Variants in TSPEAR observed in about 807,000 individuals in gnomAD.
The protein encoded by TSPEAR is thrombospondin-type laminin G domain and EAR repeat-containing protein.
A neutral mutation model predicts 71.6 loss-of-function variants in TSPEAR; 69 were observed. The ratio of observed to expected loss-of-function variants is 0.96; its 90% CI spans 0.79 to 1.18. The LOEUF (loss-of-function observed/expected upper bound fraction) is 1.18. Ranked by LOEUF, TSPEAR falls within the 50% of genes most tolerant of loss-of-function variation. The pLI, the probability that TSPEAR is intolerant of heterozygous loss-of-function variation, is 0.00. For missense variants in TSPEAR, 971 were observed against 894.9 expected (o/e 1.09, Z -1.09); for synonymous variants, 402 against 387.2 (o/e 1.04, Z -0.45).
intron 1 of TSPEAR, among the ~76,000 whole-genome samples, chr21:44,610,575 G>A (rs1232760276): frequency 6.6e-6 from 1 of 152,238 alleles, no homozygotes; most frequent in Non-Finnish European, 1.5e-5. Flanking sequence ...GAGAACCTCT[G>A]CTACGGCAGT....
intron 1 of TSPEAR, among the ~76,000 whole-genome samples, chr21:44,689,606 T>A (rs1316911930): frequency 6.7e-6 from 1 of 149,128 alleles, no homozygotes; most frequent in African/African-American, 2.5e-5. Context: ...AGAACAATGA[T>A]CCCTAAAATG....
At chr21:44,574,731 C>G (rs201441480) in intron 1 of TSPEAR, 1 of 1,608,360 alleles carries the variant, frequency 6.2e-7, no homozygotes, top group Non-Finnish European at 8.5e-7. Context: ...CTGCTGCAAG[C>G]CTGTGAGCTG....
Position 44,711,144 on chromosome 21 carries a change from T to C in TSPEAR, c.82+289A>G, listed in dbSNP as rs1988197993. Among the ~76,000 whole-genome samples the C allele has an allele frequency of 6.6e-6, 1 of 152,172 alleles. No individual in the cohort carries two copies. Among genetic ancestry groups the C allele is most frequent in the Non-Finnish European group, 1.5e-5 (1 of 68,022 alleles). ...CCCGGGAGGCCCAGCAGGTAAGCAC[T>C]TGTGGAGGCCCCGGTGGCTGCTGGT... On this transcript the variant is annotated intron_variant, in intron 1 of 11. Transcript: ENST00000323084. This position sits in a 1 kb window ranked among gnomAD's most constrained non-coding sequence, Gnocchi z 4.5.
At chr21:44,522,202 T>A in intron 8 of TSPEAR, 90 bp from the exon 9 acceptor site, 1 of 1,337,960 alleles carries the variant, frequency 7.5e-7, no homozygotes, top group Non-Finnish European at 1.1e-6. Context: ...TCCAAGTCCC[T>A]CCCCGAGGAC....
chr21:44,523,677 GTCA>G (rs1434376769), intron 8 of TSPEAR, among the ~76,000 whole-genome samples: 1 of 150,942 alleles, frequency 6.6e-6, no homozygotes, highest in Non-Finnish European at 1.5e-5. Flanking sequence ...TTGTCAGGTA[GTCA>G]TCAGCCAGTC....
intron 1 of TSPEAR, among the ~76,000 whole-genome samples, chr21:44,640,476 C>T (rs1382591604): frequency 6.6e-6 from 1 of 152,158 alleles, no homozygotes; most frequent in Non-Finnish European, 1.5e-5. Context: ...CTGAGAAACA[C>T]TGGGAATATA....
intron 1 of TSPEAR, chr21:44,627,960 C>A (rs782250529): frequency 1.3e-6 from 2 of 1,517,302 alleles, no homozygotes; most frequent in Non-Finnish European, 1.8e-6. Context: ...GCTATTGCCG[C>A]CAGGCCTCCT....
intron 1 of TSPEAR, chr21:44,654,111 T>C: frequency 1.6e-6 from 1 of 629,500 alleles, no homozygotes; most frequent in East Asian, 2.7e-5. Flanking sequence ...GAAAGGCGCA[T>C]GGCCTCACCG....
intron 10 of TSPEAR, chr21:44,508,817 GGCAGCGGGCACTCGAAGCCTGCACCTC>G (rs1263938512): frequency 1.5e-6 from 2 of 1,352,208 alleles, no homozygotes; most frequent in Admixed American, 2.1e-5. Flanking sequence ...GGCACTGGCA[GGCAGCGGGCACTCGAAGCCTGCACCTC>G]GCACCTGTCC....
At chr21:44,679,149 C>T (rs1986462257) in intron 1 of TSPEAR, among the ~76,000 whole-genome samples, 1 of 152,126 alleles carries the variant, frequency 6.6e-6, no homozygotes, top group Non-Finnish European at 1.5e-5. Flanking sequence ...CCACCCAAGA[C>T]ACAGACATGG....
chr21:44,637,658 C>T, intron 1 of TSPEAR: 11 of 1,581,878 alleles, frequency 7.0e-6, no homozygotes, highest in Non-Finnish European at 9.5e-6. Context: ...GTCTAGCTGC[C>T]AGCCGGATTG....
chr21:44,522,310 A>G (rs781823993), intron 8 of TSPEAR, among the ~76,000 whole-genome samples, 198 bp from the exon 9 acceptor site: 10 of 152,156 alleles, frequency 6.6e-5, no homozygotes, highest in Non-Finnish European at 1.3e-4. Flanking sequence ...CTGGGCCATC[A>G]CAGGTGCTAT....
At chr21:44,590,686 C>A (rs1473320087) in intron 1 of TSPEAR, among the ~76,000 whole-genome samples, 2 of 152,134 alleles carry the variant, frequency 1.3e-5, no homozygotes, top group South Asian at 2.1e-4. Context: ...GGTGAGGCTG[C>A]TGGCTGGAGC....
intron 1 of TSPEAR, among the ~76,000 whole-genome samples, chr21:44,696,560 A>G (rs1358863139): frequency 2.0e-5 from 3 of 152,222 alleles, no homozygotes; most frequent in East Asian, 1.9e-4. Flanking sequence ...GACCTATCAC[A>G]TGACTGTTTG....
intron 1 of TSPEAR, among the ~76,000 whole-genome samples, chr21:44,569,247 C>A (rs2053752377): frequency 6.6e-6 from 1 of 152,198 alleles, no homozygotes; most frequent in Non-Finnish European, 1.5e-5. Flanking sequence ...CGCACACGCG[C>A]ACACAGGGTG....
chr21:44,584,524 G>A (rs1482483472), intron 1 of TSPEAR, among the ~76,000 whole-genome samples: 3 of 152,194 alleles, frequency 2.0e-5, no homozygotes, highest in Non-Finnish European at 2.9e-5. Context: ...ATGGCTGCAT[G>A]TAACAGCTTA....
chr21:44,550,825 G>T (rs782145109), intron 2 of TSPEAR: 1 of 1,535,160 alleles, frequency 6.5e-7, no homozygotes, highest in Non-Finnish European at 8.9e-7. Flanking sequence ...CAGCTAGACT[G>T]CTGGCAGCAC....
chr21:44,542,754 AAAAAG>A (rs1601392688), intron 2 of TSPEAR, among the ~76,000 whole-genome samples: 3 of 150,424 alleles, frequency 2.0e-5, no homozygotes, highest in Admixed American at 6.6e-5. Context: ...AAAAAAAAAA[AAAAAG>A]AAAAAGAAAA....
intron 1 of TSPEAR, among the ~76,000 whole-genome samples, chr21:44,694,284 T>C (rs1987237740): frequency 1.3e-5 from 2 of 152,224 alleles, no homozygotes; most frequent in African/African-American, 4.8e-5. Flanking sequence ...ATTGGAAACA[T>C]TGTGCCAAGT....
Sources: gnomAD v4.1 joint callset for allele counts (sites outside exome capture counted in the v4.1 genomes callset) on GRCh38, gnomAD v4.1.1 for gene constraint, Gnocchi (gnomAD v3.1) non-coding constraint, MANE v1.5 for transcripts, NCBI Gene and HGNC (gene_info 2026-07-23, HGNC 2026-07-21) for gene names.